Variants in FAM13C observed in about 807,000 individuals in gnomAD.
The protein encoded by FAM13C is protein FAM13C.
FAM13C carries 37 observed loss-of-function variants against 73.2 expected under a neutral mutation model. The observed-to-expected ratio is 0.51, with a 90% CI of 0.39 to 0.67. The LOEUF is 0.67. FAM13C is among the 30% of genes least tolerant of loss of function. The pLI, the probability that FAM13C is intolerant of heterozygous loss-of-function variation, is 0.00. For missense variants in FAM13C, 589 were observed against 715.6 expected, an observed-to-expected ratio of 0.82 and a Z score of 2.02; for synonymous variants, 246 against 260.9, an observed-to-expected ratio of 0.94 and a Z score of 0.55.
chr10:59,307,991 G>A (rs184842267), intron 4 of FAM13C, among the ~76,000 whole-genome samples: 1 of 152,086 alleles, frequency 6.6e-6, no homozygotes, highest in African/African-American at 2.4e-5. Context: ...GATCCTTAAC[G>A]ATACTGCTTG....
chr10:59,255,184 G>T (rs894042700), intron 10 of FAM13C, among the ~76,000 whole-genome samples: 2 of 152,044 alleles, frequency 1.3e-5, no homozygotes, highest in African/African-American at 4.8e-5. Context: ...CTAGGTTACT[G>T]ACAGGCTGTG....
intron 5 of FAM13C, among the ~76,000 whole-genome samples, chr10:59,289,698 A>T (rs545794756): frequency 6.6e-6 from 1 of 152,304 alleles, no homozygotes; most frequent in East Asian, 1.9e-4. Context: ...CCAGGGAGTG[A>T]GTGACTAACC....
chr10:59,279,874 A>G (rs554220411), intron 6 of FAM13C, among the ~76,000 whole-genome samples: 5 of 152,294 alleles, frequency 3.3e-5, no homozygotes, highest in African/African-American at 9.6e-5. Flanking sequence ...TATCTCTCAC[A>G]GTTCTGGAGG....
At chr10:59,332,196 C>T (rs1336490586) in intron 3 of FAM13C, among the ~76,000 whole-genome samples, 1 of 151,658 alleles carries the variant, frequency 6.6e-6, no homozygotes, top group Non-Finnish European at 1.5e-5. Context: ...TAGTAAGAAC[C>T]CACAGAGAGA....
At chr10:59,267,492 G>A (rs1367959030) in intron 8 of FAM13C, among the ~76,000 whole-genome samples, 1 of 152,134 alleles carries the variant, frequency 6.6e-6, no homozygotes, top group Non-Finnish European at 1.5e-5. Flanking sequence ...GTGACTGCCT[G>A]ACTTTGGGGA....
chr10:59,260,879 C>T (rs1449410053), intron 10 of FAM13C, among the ~76,000 whole-genome samples: 3 of 152,100 alleles, frequency 2.0e-5, no homozygotes, highest in Non-Finnish European at 4.4e-5. Flanking sequence ...GTAGGTATTA[C>T]CTGTATTTTA....
rs187251609 is a variant in FAM13C at position 59,270,039 on chromosome 10, C to A, written c.663G>T (p.Gly221=). ...TGATGTGATAGAGCAGCCTGCTGGTCCCCACAGAGTGGAGGTCTTCTGGTG... is the reference window on the plus strand; with the variant it reads ...TGATGTGATAGAGCAGCCTGCTGGTACCCACAGAGTGGAGGTCTTCTGGTG... ...DSAPEDLHSV[G]TSRLLYHITD... Residue 221 remains glycine (G), a synonymous_variant, in exon 7 of 14, where the codon GGG becomes GGT. Transcript: ENST00000618804. The A allele has an allele frequency of 6.2e-6, 10 of 1,613,824 alleles. 1 individual carries two copies. The Admixed American group carries it at 8.3e-5, about 13-fold the overall frequency.
chr10:59,264,434 A>G (rs561304136), intron 8 of FAM13C, among the ~76,000 whole-genome samples: 8 of 152,244 alleles, frequency 5.3e-5, no homozygotes, highest in Non-Finnish European at 1.0e-4. Flanking sequence ...GTGCCTGGTC[A>G]CCTAACATTT....
chr10:59,283,518 C>G, intron 5 of FAM13C, 71 bp from the exon 6 acceptor site: 3 of 1,505,476 alleles, frequency 2.0e-6, no homozygotes, highest in Non-Finnish European at 2.8e-6. Flanking sequence ...ATTCTGCCAG[C>G]AAAAGCAGAA....
chr10:59,356,907 A>G (rs1855777519), intron 1 of FAM13C, among the ~76,000 whole-genome samples: 1 of 152,288 alleles, frequency 6.6e-6, no homozygotes, highest in African/African-American at 2.4e-5. Context: ...GAAAGAACAG[A>G]CTTGCTGAGC....
intron 3 of FAM13C, among the ~76,000 whole-genome samples, chr10:59,338,862 C>T (rs948010669): frequency 1.3e-5 from 2 of 152,154 alleles, no homozygotes; most frequent in African/African-American, 4.8e-5. Context: ...TCAGGAAGCC[C>T]CTTCTTGTAT....
At chr10:59,343,422 A>G (rs1013959636) in intron 3 of FAM13C, among the ~76,000 whole-genome samples, 2 of 33,940 alleles carry the variant, frequency 5.9e-5, no homozygotes, top group Non-Finnish European at 2.1e-4. Flanking sequence ...AAGACCAATT[A>G]ACTTCATCTT....
chr10:59,340,290 C>T (rs1853326521), intron 3 of FAM13C, among the ~76,000 whole-genome samples: 1 of 152,076 alleles, frequency 6.6e-6, no homozygotes, highest in South Asian at 2.1e-4. Context: ...ATCTCCATTG[C>T]CCAGAGATTA....
At chr10:59,303,868 G>A (rs181854439) in intron 4 of FAM13C, among the ~76,000 whole-genome samples, 85 of 152,122 alleles carry the variant, frequency 5.6e-4, no homozygotes, top group Non-Finnish European at 1.1e-3. Flanking sequence ...GTGTCTGTTC[G>A]GCCAGGCGCG....
intron 3 of FAM13C, among the ~76,000 whole-genome samples, chr10:59,342,681 T>C (rs760502086): frequency 2.0e-5 from 3 of 152,236 alleles, no homozygotes; most frequent in Non-Finnish European, 4.4e-5. Flanking sequence ...CTACATCTCT[T>C]GAAAACTATG....
At chr10:59,338,337 T>G (rs1853022092) in intron 3 of FAM13C, among the ~76,000 whole-genome samples, 1 of 152,076 alleles carries the variant, frequency 6.6e-6, no homozygotes, top group South Asian at 2.1e-4. Context: ...GCTCATCTCT[T>G]TTTGCATCCA....
At chr10:59,251,743 T>A (rs766021898) in intron 12 of FAM13C, 67 bp from the exon 13 acceptor site, 17 of 1,232,138 alleles carry the variant, frequency 1.4e-5, no homozygotes, top group Non-Finnish European at 1.5e-5. Context: ...ATGAGCAGAT[T>A]TATCTGTTCA....
At chr10:59,272,200 T>A (rs1410292220) in intron 6 of FAM13C, among the ~76,000 whole-genome samples, 1 of 152,208 alleles carries the variant, frequency 6.6e-6, no homozygotes, top group Non-Finnish European at 1.5e-5. Flanking sequence ...TGTGGCCCAA[T>A]TAACATCCTA....
chr10:59,263,843 G>A (rs1194198080), intron 9 of FAM13C: 2 of 501,320 alleles, frequency 4.0e-6, no homozygotes, highest in Non-Finnish European at 7.3e-6. Context: ...TCCTGGCATT[G>A]AAGTGAATCA....
Sources: allele counts gnomAD v4.1 joint callset (sites outside exome capture counted in the v4.1 genomes callset), GRCh38; gene constraint gnomAD v4.1.1; transcripts MANE v1.5; gene names NCBI Gene and HGNC (gene_info 2026-07-23, HGNC 2026-07-21).